Variants in SLC30A8 observed in about 807,000 individuals in gnomAD.
SLC30A8 encodes proton-coupled zinc antiporter SLC30A8.
In SLC30A8, 27 loss-of-function variants were observed where a neutral mutation model predicts 36.9. The observed-to-expected ratio is 0.73, with a 90% CI of 0.54 to 1.01. The LOEUF (loss-of-function observed/expected upper bound fraction) is 1.01, where lower values mean the gene tolerates loss of function less well. SLC30A8 is among the 50% of genes least tolerant of loss of function. The pLI is 0.00. For synonymous variants in SLC30A8, 164 were observed against 172.4 expected (o/e 0.95, Z 0.38); for missense variants, 439 against 452.0 (o/e 0.97, Z 0.26).
intron 1 of SLC30A8, among the ~76,000 whole-genome samples, chr8:117,026,623 C>T (rs1313194597): frequency 6.6e-6 from 1 of 152,080 alleles, no homozygotes; most frequent in African/African-American, 2.4e-5. Flanking sequence ...ATGAAGTATC[C>T]AAAGTTTGGT....
chr8:117,064,431 G>A (rs932662171), intron 2 of SLC30A8, among the ~76,000 whole-genome samples: 1 of 152,186 alleles, frequency 6.6e-6, no homozygotes, highest in African/African-American at 2.4e-5. Flanking sequence ...TTTACCAGGA[G>A]GATGTCTCAG....
chr8:117,090,498 G>A (rs894881704), intron 2 of SLC30A8, among the ~76,000 whole-genome samples: 2 of 152,168 alleles, frequency 1.3e-5, no homozygotes, highest in African/African-American at 4.8e-5. Context: ...CAAAGCACTG[G>A]CAGATTTGTT....
intron 2 of SLC30A8, among the ~76,000 whole-genome samples, chr8:117,150,750 C>T (rs1354060785): frequency 1.3e-5 from 2 of 152,038 alleles, no homozygotes; most frequent in Admixed American, 6.6e-5. Context: ...GGACTACAGT[C>T]GCCTGCCACC....
chr8:116,982,641 C>G (rs1455777003), intron 1 of SLC30A8, among the ~76,000 whole-genome samples: 2 of 152,132 alleles, frequency 1.3e-5, no homozygotes, highest in Non-Finnish European at 2.9e-5. Context: ...TTATTCCAGT[C>G]AGAATCAATT....
intron 7 of SLC30A8, 117 bp from the exon 8 acceptor site, chr8:117,172,419 T>C: frequency 7.3e-7 from 1 of 1,365,556 alleles, no homozygotes; most frequent in Non-Finnish European, 1.0e-6. Context: ...TTCCTCTGAG[T>C]GCCCTGCCTC....
chr8:117,150,583 T>C (rs769959460), intron 2 of SLC30A8, among the ~76,000 whole-genome samples: 3 of 152,168 alleles, frequency 2.0e-5, no homozygotes, highest in Non-Finnish European at 4.4e-5. Flanking sequence ...TAATTTCCCT[T>C]CGCTAACACT....
At chr8:117,089,649 T>C (rs1819025270) in intron 2 of SLC30A8, among the ~76,000 whole-genome samples, 1 of 152,224 alleles carries the variant, frequency 6.6e-6, no homozygotes, top group Non-Finnish European at 1.5e-5. Context: ...ATTCATATAC[T>C]AGCTGTCTGC....
At chr8:117,039,702 T>A (rs1817322989) in intron 2 of SLC30A8, among the ~76,000 whole-genome samples, 1 of 152,232 alleles carries the variant, frequency 6.6e-6, no homozygotes, top group Admixed American at 6.5e-5. Flanking sequence ...GTACTCCTAG[T>A]GGGAGGCATC....
intron 1 of SLC30A8, among the ~76,000 whole-genome samples, chr8:117,034,970 T>C (rs1171756595): frequency 2.6e-5 from 4 of 152,126 alleles, no homozygotes; most frequent in African/African-American, 9.7e-5. Context: ...GAGAACAGCA[T>C]GGGGGAAACC....
At chr8:117,054,500 T>C (rs991868013) in intron 2 of SLC30A8, among the ~76,000 whole-genome samples, 1 of 152,176 alleles carries the variant, frequency 6.6e-6, no homozygotes. Flanking sequence ...TGATTCTTAA[T>C]GGTATCCAGT....
chr8:117,058,576 G>A (rs7833734), intron 2 of SLC30A8, among the ~76,000 whole-genome samples: 1 of 151,914 alleles, frequency 6.6e-6, no homozygotes, highest in Non-Finnish European at 1.5e-5. Flanking sequence ...ATATTAATTT[G>A]TGGGGGCATG....
chr8:117,072,766 A>G (rs1256439678), intron 2 of SLC30A8, among the ~76,000 whole-genome samples: 1 of 152,070 alleles, frequency 6.6e-6, no homozygotes, highest in Non-Finnish European at 1.5e-5. Flanking sequence ...AACTGAGAAC[A>G]TCTTCATAAG....
At chr8:117,144,432 A>AG (rs1324175735) in intron 1 of SLC30A8, among the ~76,000 whole-genome samples, 1 of 152,272 alleles carries the variant, frequency 6.6e-6, no homozygotes, top group East Asian at 1.9e-4. Flanking sequence ...TTAGAAATGT[A>AG]GGTACCTTTT....
chr8:117,149,694 T>C lies in SLC30A8; in HGVS notation c.271+2541T>C, dbSNP rs141333754. 3.0e-3 allele frequency among the ~76,000 whole-genome samples: 460 copies of C among 152,298 alleles called. 6 individuals are homozygous for C. The highest frequency in any genetic ancestry group is 0.01 in the African/African-American group (429 of 41,568). ...CCTCCTGCTATCACACAGTTCAAAC[T>C]CAAGAAAAAATGAGCTGGGCTTGCT... On this transcript the variant is annotated intron_variant, in intron 2 of 7. Coordinates refer to ENST00000456015, the MANE Select transcript of SLC30A8 (RefSeq NM_173851.3).
chr8:117,166,148 A>G (rs1823045241), intron 6 of SLC30A8, among the ~76,000 whole-genome samples: 1 of 152,210 alleles, frequency 6.6e-6, no homozygotes, highest in Non-Finnish European at 1.5e-5. Flanking sequence ...AATACAACGA[A>G]ATAATAAATG....
At chr8:117,139,857 G>C (rs1406332606) in intron 1 of SLC30A8, among the ~76,000 whole-genome samples, 1 of 137,130 alleles carries the variant, frequency 7.3e-6, no homozygotes, top group Admixed American at 7.3e-5. Context: ...GACAACATCT[G>C]GTAAAAAAAA....
chr8:117,124,730 A>G (rs1476514680), intron 2 of SLC30A8, among the ~76,000 whole-genome samples: 1 of 151,354 alleles, frequency 6.6e-6, no homozygotes, highest in East Asian at 2.0e-4. Context: ...CTCACTTATA[A>G]GTGGGAGCTA....
chr8:117,023,827 A>G (rs1399519853), intron 1 of SLC30A8, among the ~76,000 whole-genome samples: 1 of 152,140 alleles, frequency 6.6e-6, no homozygotes, highest in Non-Finnish European at 1.5e-5. Context: ...ATGTGTAACT[A>G]ACCTGCACAT....
chr8:117,095,127 C>T lies in SLC30A8; in HGVS notation c.-225-40153C>T, dbSNP rs370951511. 7.2e-5 allele frequency among the ~76,000 whole-genome samples: 11 copies of T among 152,294 alleles called. No homozygotes were observed. In the East Asian group the frequency reaches 1.7e-3, roughly 24 times the overall value. Reference sequence around the variant, plus strand: ...GCCATGGCTTAGGTGGCTGCAGCTGCGCCAGGGAGGGCAGGGCTCCTGCCT... The same window carrying T: ...GCCATGGCTTAGGTGGCTGCAGCTGTGCCAGGGAGGGCAGGGCTCCTGCCT... On this transcript the variant is annotated intron_variant, in intron 2 of 10. Coordinates refer to the SLC30A8 transcript ENST00000427715.
Sources: gnomAD v4.1 joint callset for allele counts (sites outside exome capture counted in the v4.1 genomes callset) on GRCh38, gnomAD v4.1.1 for gene constraint, MANE v1.5 for transcripts, NCBI Gene and HGNC (gene_info 2026-07-23, HGNC 2026-07-21) for gene names.